Variants in KALRN observed in about 807,000 individuals in gnomAD.
KALRN encodes the protein kalirin RhoGEF kinase.
Under a neutral mutation model 353.7 loss-of-function variants are expected in KALRN, and 70 were observed. That is an observed-to-expected ratio of 0.20 (90% CI 0.16 to 0.24). The LOEUF (loss-of-function observed/expected upper bound fraction) is 0.24. KALRN is among the 10% of genes least tolerant of loss of function. The pLI is 1.00. For synonymous variants in KALRN, 1,391 were observed against 1,434.8 expected (o/e 0.97, Z 0.69); for missense variants, 2,791 against 3,756.7 (o/e 0.74, Z 6.72).
chr3:124,519,261 T>C, intron 33 of KALRN: 2 of 950,980 alleles, frequency 2.1e-6, no homozygotes, highest in Non-Finnish European at 2.5e-6. Context: ...AACTAGATGA[T>C]GGTACGTGGA....
intron 1 of KALRN, among the ~76,000 whole-genome samples, chr3:124,046,119 C>A (rs2040454854): frequency 6.6e-6 from 1 of 152,108 alleles, no homozygotes; most frequent in South Asian, 2.1e-4. Flanking sequence ...GTATATTATT[C>A]TTAATTCAAA....
At position 124,446,911 on chromosome 3, in the gene KALRN, C is replaced by A. The variant is rs755817524; in HGVS notation, c.3552+26C>A. 1.2e-5 allele frequency: 19 copies of A among 1,613,118 alleles called. No individual in the cohort carries two copies. The Admixed American group carries it at 3.2e-4, about 27-fold the overall frequency. The stretch of plus-strand genomic sequence containing the variant: ...GTAGGAAACATCCCAGAGCCTCCCC[C>A]AGATCCACCCAGAACTCTCCATTCT... On this transcript the variant is annotated intron_variant, in intron 21 of 59. Transcript: ENST00000682506.
intron 5 of KALRN, among the ~76,000 whole-genome samples, chr3:124,285,505 C>A (rs1047376755): frequency 2.0e-5 from 3 of 152,120 alleles, no homozygotes; most frequent in African/African-American, 7.2e-5. Context: ...TAAATTTATA[C>A]AAATAAAAAA....
chr3:124,493,936 G>T (rs1577404998), intron 32 of KALRN, among the ~76,000 whole-genome samples: 3 of 152,336 alleles, frequency 2.0e-5, no homozygotes, highest in Non-Finnish European at 4.4e-5. Flanking sequence ...AGGTAAGGAG[G>T]GGGTGGACTA....
chr3:124,080,030 T>G, intron 1 of KALRN: 1 of 471,142 alleles, frequency 2.1e-6, no homozygotes, highest in South Asian at 1.5e-5. Flanking sequence ...CTAGTTGCAT[T>G]CTATGTTGCC....
intron 14 of KALRN, 73 bp downstream of exon 14, chr3:124,413,738 A>G: frequency 1.8e-6 from 2 of 1,135,810 alleles, no homozygotes; most frequent in Admixed American, 2.3e-5. Flanking sequence ...TGCAAGGAGC[A>G]GTGCCACATC....
At chr3:124,504,813 T>C (rs1185062646) in intron 33 of KALRN, 1 of 470,100 alleles carries the variant, frequency 2.1e-6, no homozygotes, top group East Asian at 6.9e-5. Context: ...CAGAACCAGT[T>C]CAGCCCCACC....
In KALRN at chr3:124,225,139, A is replaced by T. The variant is rs916292773; in HGVS notation, c.74-2851A>T. The stretch of plus-strand genomic sequence containing the variant: ...GCTGGTTTCACAAGGGCCCTGGGGG[A>T]ATTGATATGATACATAGTATCTTTA... On this transcript the variant is annotated intron_variant, in intron 1 of 59. Transcript: ENST00000682506. Among the ~76,000 whole-genome samples the T allele has an allele frequency of 5.1e-4, 77 of 152,052 alleles. 1 individual carries two copies. Among genetic ancestry groups the T allele is most frequent in the Non-Finnish European group, 2.9e-5 (2 of 68,014 alleles).
At chr3:124,717,683 G>A (rs572916958) in intron 59 of KALRN, among the ~76,000 whole-genome samples, 9 of 151,732 alleles carry the variant, frequency 5.9e-5, no homozygotes, top group Admixed American at 1.3e-4. Context: ...GCGACAGAGC[G>A]AGACTCCCTT....
At chr3:124,080,763 T>A (rs184200709) in intron 1 of KALRN, among the ~76,000 whole-genome samples, 1 of 152,218 alleles carries the variant, frequency 6.6e-6, no homozygotes, top group African/African-American at 2.4e-5. Flanking sequence ...AAATTTGCCC[T>A]TGTTAATTTT....
chr3:124,466,296 A>T (rs1052306708), intron 25 of KALRN, among the ~76,000 whole-genome samples: 2 of 151,932 alleles, frequency 1.3e-5, no homozygotes, highest in African/African-American at 4.8e-5. Flanking sequence ...AAATAACTAT[A>T]TAATCATGAA....
intron 2 of KALRN, among the ~76,000 whole-genome samples, chr3:124,232,339 C>T (rs1404328408): frequency 6.6e-6 from 1 of 152,184 alleles, no homozygotes; most frequent in Non-Finnish European, 1.5e-5. Flanking sequence ...GGTTTCATTT[C>T]CCTCTCCTCA....
intron 25 of KALRN, among the ~76,000 whole-genome samples, chr3:124,472,378 C>G (rs532601964): frequency 2.8e-4 from 43 of 152,212 alleles, no homozygotes; most frequent in African/African-American, 8.9e-4. Context: ...TTTACCATTT[C>G]TTTGGCTACT....
intron 3 of KALRN, among the ~76,000 whole-genome samples, chr3:124,251,348 G>A (rs971815636): frequency 7.0e-6 from 1 of 142,290 alleles, no homozygotes; most frequent in Non-Finnish European, 1.5e-5. Context: ...GGCATGGCAA[G>A]TCTTTGCTTT....
rs911687424 is a variant in KALRN, at chr3:124,074,999, A to G, written c.73+41186A>G. ...TCGCATTCATATTTACTCTCTGAAA[A>G]ACTATTACAAACAAGCTTTGCTTTT... On this transcript the variant is annotated intron_variant, in intron 1 of 59. Coordinates refer to ENST00000682506, the MANE Select transcript of KALRN (RefSeq NM_001388419.1). 4.6e-5 allele frequency among the ~76,000 whole-genome samples: 7 copies of G among 152,176 alleles called. No individual in the cohort carries two copies. The East Asian group carries it at 7.7e-4, about 17-fold the overall frequency.
intron 1 of KALRN, among the ~76,000 whole-genome samples, chr3:124,092,122 G>A (rs537904941): frequency 6.6e-6 from 1 of 152,326 alleles, no homozygotes; most frequent in African/African-American, 2.4e-5. Flanking sequence ...CTGTTTGCGG[G>A]GGAAGTGCTT....
At chr3:124,137,817 G>T (rs899645313) in intron 1 of KALRN, among the ~76,000 whole-genome samples, 1 of 152,154 alleles carries the variant, frequency 6.6e-6, no homozygotes, top group Non-Finnish European at 1.5e-5. Context: ...TGGGTCGGAT[G>T]CAGGGAGATG....
chr3:124,076,674 G>A (rs2060275124), intron 1 of KALRN, among the ~76,000 whole-genome samples: 1 of 152,136 alleles, frequency 6.6e-6, no homozygotes, highest in African/African-American at 2.4e-5. Context: ...TCCCTACAGG[G>A]GCCAGACCAT....
At chr3:124,425,749 C>T (rs750429073) in intron 15 of KALRN, among the ~76,000 whole-genome samples, 17 of 152,230 alleles carry the variant, frequency 1.1e-4, no homozygotes, top group South Asian at 8.3e-4. Context: ...TCTTTTCCTT[C>T]GCCGATATTA....
Sources: allele counts gnomAD v4.1 joint callset (sites outside exome capture counted in the v4.1 genomes callset), GRCh38; gene constraint gnomAD v4.1.1; transcripts MANE v1.5; gene names NCBI Gene and HGNC (gene_info 2026-07-23, HGNC 2026-07-21).